The following ATP11A variants were observed in gnomAD, a reference collection of about 807,000 sequenced individuals.
ATP11A encodes the protein phospholipid-transporting ATPase IH.
Under a neutral mutation model 154.4 loss-of-function variants are expected in ATP11A, and 81 were observed. The observed-to-expected ratio is 0.52, with a 90% CI of 0.44 to 0.63. The LOEUF (loss-of-function observed/expected upper bound fraction) is 0.63, where lower values mean the gene tolerates loss of function less well. Ranked by LOEUF, ATP11A falls within the 30% of genes least tolerant of loss-of-function variation. ATP11A has a pLI of 0.00. For synonymous variants in ATP11A, 623 were observed against 585.9 expected (o/e 1.06, Z -0.91); for missense variants, 1,316 against 1,474.3 (o/e 0.89, Z 1.76).
At chr13:112,691,159 C>A (rs897029051) in intron 1 of ATP11A, among the ~76,000 whole-genome samples, 1 of 151,940 alleles carries the variant, frequency 6.6e-6, no homozygotes, top group Non-Finnish European at 1.5e-5. Context: ...GAATCCCTGG[C>A]GTTAGGTGTA....
chr13:112,845,528 AACCAGTCCAG>A lies in ATP11A; in HGVS notation c.1809+3150_1809+3159del, dbSNP rs1343339109. ...TCCAGTTGCCGGCACTAGCGGTACT[AACCAGTCCAG>A]TTGCTGGCACTAGCGGTACTAACCA... On this transcript the variant is annotated intron_variant, in intron 17 of 29. Coordinates refer to ENST00000375645, the MANE Select transcript of ATP11A (RefSeq NM_015205.3). Among the ~76,000 whole-genome samples, 10 of 124,176 alleles carry A rather than the reference AACCAGTCCAG, an allele frequency of 8.1e-5. 1 individual carries two copies. Among genetic ancestry groups the A allele is most frequent in the African/African-American group, 3.7e-4 (10 of 27,226 alleles). The allele number at this position is 124,176 out of a possible 152,430, so 81.5% of individuals were successfully genotyped here. A position where few individuals can be genotyped will look rare whatever the true frequency, so the allele number is the denominator to read the frequency against.
chr13:112,714,172 A>AGCCTCCCTTC (rs1322316669), intron 1 of ATP11A, among the ~76,000 whole-genome samples: 1 of 77,706 alleles, frequency 1.3e-5, no homozygotes, highest in Non-Finnish European at 2.6e-5. Flanking sequence ...TCCTGGCCCC[A>AGCCTCCCTTC]CGTCTACTGG....
chr13:112,839,154 C>T (rs2079322935), intron 16 of ATP11A, among the ~76,000 whole-genome samples: 1 of 152,316 alleles, frequency 6.6e-6, no homozygotes, highest in Non-Finnish European at 1.5e-5. Flanking sequence ...TCGGCTGCAT[C>T]AGGCCTTCCC....
chr13:112,836,132 G>A (rs1209037163), intron 15 of ATP11A, 46 bp from the exon 16 acceptor site: 9 of 1,410,114 alleles, frequency 6.4e-6, no homozygotes, highest in African/African-American at 1.4e-5. Flanking sequence ...ATGGAATCAC[G>A]TGAGCACCCG....
At chr13:112,881,771 C>T (rs1162186459) in intron 29 of ATP11A, 105 bp from the exon 30 acceptor site, 14 of 1,354,804 alleles carry the variant, frequency 1.0e-5, no homozygotes, top group African/African-American at 5.9e-5. Context: ...CAGGCAGCCC[C>T]GTGGGTATCC....
At chr13:112,749,356 A>T (rs895269476) in intron 1 of ATP11A, among the ~76,000 whole-genome samples, 2 of 152,276 alleles carry the variant, frequency 1.3e-5, no homozygotes, top group African/African-American at 4.8e-5. Context: ...ATTTCGTAGC[A>T]TTCTAACTTT....
At position 112,712,041 on chromosome 13, in the gene ATP11A, CAG is replaced by C. The variant is rs997753782; in HGVS notation, c.39+21587_39+21588del. Among the ~76,000 whole-genome samples, 4 of 152,342 alleles carry C rather than the reference CAG, an allele frequency of 2.6e-5. 1 individual carries two copies. Among genetic ancestry groups the C allele is most frequent in the Non-Finnish European group, 5.9e-5 (4 of 68,034 alleles). On this transcript the variant is annotated intron_variant, in intron 1 of 29. Transcript: ENST00000375645. ...GAGTGAGAACAGCTGGCTGCAGTGT[CAG>C]GGGCAGGACCTTTTGTCGATGAGTT...
chr13:112,763,240 G>C (rs2077001589), intron 1 of ATP11A, among the ~76,000 whole-genome samples: 1 of 152,182 alleles, frequency 6.6e-6, no homozygotes, highest in African/African-American at 2.4e-5. Context: ...GAATGGACCT[G>C]CATCTTGGCC....
chr13:112,724,120 TTCTCCCCCA>T (rs771354067), intron 1 of ATP11A, among the ~76,000 whole-genome samples: 5,691 of 23,890 alleles, frequency 0.24, 195 homozygotes, highest in Admixed American at 0.34. Flanking sequence ...CTTCGCCCCC[TTCTCCCCCA>T]TCGCCCCCTT....
chr13:112,725,387 C>T (rs1487613166), intron 1 of ATP11A, among the ~76,000 whole-genome samples: 13 of 152,202 alleles, frequency 8.5e-5, no homozygotes, highest in Admixed American at 8.5e-4. Flanking sequence ...CCTCACCAGC[C>T]CACTGCCCGG....
chr13:112,788,433 C>CG (rs1422757195), intron 2 of ATP11A, among the ~76,000 whole-genome samples: 2 of 149,566 alleles, frequency 1.3e-5, no homozygotes, highest in African/African-American at 5.0e-5. Flanking sequence ...TAATTCACAC[C>CG]GGTGTCCTCA....
At chr13:112,742,734 C>T (rs909036324) in intron 1 of ATP11A, among the ~76,000 whole-genome samples, 35 of 152,186 alleles carry the variant, frequency 2.3e-4, no homozygotes, top group African/African-American at 8.4e-4. Context: ...TGTGCCTCCC[C>T]GCAGTGTGGC....
intron 16 of ATP11A, among the ~76,000 whole-genome samples, chr13:112,841,135 A>T (rs1486985983): frequency 6.6e-6 from 1 of 150,622 alleles, no homozygotes; most frequent in Non-Finnish European, 1.5e-5. Flanking sequence ...CGGACCAGGG[A>T]TGCTTCAGGT....
At chr13:112,800,620 C>G (rs572915252) in intron 2 of ATP11A, among the ~76,000 whole-genome samples, 2 of 151,492 alleles carry the variant, frequency 1.3e-5, no homozygotes, top group African/African-American at 4.8e-5. Flanking sequence ...GTAATAGAAG[C>G]GGAAGGAACA....
intron 1 of ATP11A, among the ~76,000 whole-genome samples, chr13:112,695,740 C>A (rs565531818): frequency 1.3e-5 from 2 of 152,246 alleles, no homozygotes; most frequent in African/African-American, 4.8e-5. Context: ...ATGTATTAAA[C>A]CCTAAAACCC....
intron 20 of ATP11A, chr13:112,856,377 A>G: frequency 5.1e-6 from 1 of 197,578 alleles, no homozygotes. Context: ...TATCTCAATC[A>G]CTCCTGAGAA....
chr13:112,866,440 G>A (rs2080335627), intron 25 of ATP11A, among the ~76,000 whole-genome samples: 1 of 151,820 alleles, frequency 6.6e-6, no homozygotes, highest in South Asian at 2.1e-4. Context: ...GGATTCATGG[G>A]AGCTTCCCTC....
In ATP11A at chr13:112,819,302, A is replaced by G; in HGVS notation, c.571-2A>G. 1 of 1,614,028 alleles carries G rather than the reference A, an allele frequency of 6.2e-7. No homozygotes were observed. The highest frequency in any genetic ancestry group is 2.2e-5 in the East Asian group (1 of 44,886). On this transcript the variant is annotated splice_acceptor_variant, in intron 6 of 29. Coordinates refer to ENST00000375645, the MANE Select transcript of ATP11A (RefSeq NM_015205.3). LOFTEE classifies it high-confidence loss of function. ...GAGCTCACATGTCTTGTGCATTTGTAGACGCATTACGCGGTCCAGGACACC... is the reference window on the plus strand; with the variant it reads ...GAGCTCACATGTCTTGTGCATTTGTGGACGCATTACGCGGTCCAGGACACC...
chr13:112,782,270 G>A (rs957917368), intron 1 of ATP11A, among the ~76,000 whole-genome samples: 4 of 152,148 alleles, frequency 2.6e-5, no homozygotes, highest in Admixed American at 2.0e-4. Flanking sequence ...GCGTGGGCTC[G>A]CTGTGGCATG....
Sources: gnomAD v4.1 joint callset for allele counts (sites outside exome capture counted in the v4.1 genomes callset) on GRCh38, gnomAD v4.1.1 for gene constraint, MANE v1.5 for transcripts, NCBI Gene and HGNC (gene_info 2026-07-23, HGNC 2026-07-21) for gene names.